The following MALRD1 variants were observed in gnomAD, a reference collection of about 807,000 sequenced individuals.
MALRD1 encodes the protein MAM and LDL receptor class A domain containing 1, also known as MAM and LDL-receptor class A domain-containing protein 1.
Under a neutral mutation model 242.1 loss-of-function variants are expected in MALRD1, and 247 were observed. The observed-to-expected ratio is 1.02, with a 90% confidence interval of 0.92 to 1.13. MALRD1 has a LOEUF of 1.13. Ranked by LOEUF, MALRD1 falls within the 50% of genes most tolerant of loss-of-function variation. The probability of loss-of-function intolerance (pLI) is 0.00; values close to 1 mark genes in which losing one functional copy is unlikely to be tolerated. For missense variants in MALRD1, 2,989 were observed against 2,533.1 expected (o/e 1.18, Z -3.86); for synonymous variants, 995 against 866.6 (o/e 1.15, Z -2.60).
Position 19,301,285 on chromosome 10 carries a change from T to G in MALRD1, c.3419+18104T>G, listed in dbSNP as rs149813481. 8.3e-4 allele frequency among the ~76,000 whole-genome samples: 127 copies of G among 152,096 alleles called. 1 individual carries two copies. The highest frequency in any genetic ancestry group is 2.9e-3 in the African/African-American group (121 of 41,514). ...TGGCAATGTAAATCTGTTCAGCTGT[T>G]GTGGAAAGCAGTGTGGTGATTTCTC... On this transcript the variant is annotated intron_variant, in intron 21 of 39. Coordinates refer to ENST00000454679, the MANE Select transcript of MALRD1 (RefSeq NM_001142308.3).
At chr10:19,333,015 C>G (rs943355762) in intron 24 of MALRD1, among the ~76,000 whole-genome samples, 11 of 152,178 alleles carry the variant, frequency 7.2e-5, no homozygotes, top group East Asian at 1.9e-4. Flanking sequence ...CTCCCCTAGC[C>G]CCCTACCCTC....
Position 19,652,999 on chromosome 10 carries a change from A to G in MALRD1, c.6137+37076A>G, listed in dbSNP as rs145461934. On this transcript the variant is annotated intron_variant, in intron 36 of 39. Transcript: ENST00000454679. ...GCATAATTTACATATCAGTATGTCT[A>G]AGATTGAATTCAACATCATCTTGCA... Among the ~76,000 whole-genome samples, 141 of 152,286 alleles carry G rather than the reference A, an allele frequency of 9.3e-4. 1 individual carries two copies. Among genetic ancestry groups the G allele is most frequent in the African/African-American group, 3.3e-3 (138 of 41,558 alleles).
Position 19,283,162 on chromosome 10 carries a change from C to A in MALRD1, c.3400C>A (p.Pro1134Thr). 6.5e-7 allele frequency: 1 copy of A among 1,547,326 alleles called. No individual in the cohort carries two copies. The highest frequency in any genetic ancestry group is 8.7e-7 in the Non-Finnish European group (1 of 1,145,102). ...SIHHGEENHR[P>T]SVDHTQNTTD... Reference sequence around the variant, plus strand: ...TCATCATGGGGAAGAAAACCACAGGCCATCAGTGGATCATACACAGTAAGT... The same window carrying A: ...TCATCATGGGGAAGAAAACCACAGGACATCAGTGGATCATACACAGTAAGT... Residue 1134 changes from proline to threonine, a missense_variant, in exon 21 of 40, where the codon CCA (proline) becomes ACA (threonine). Pro to Thr is a conservative substitution (Grantham distance 38). Coordinates refer to ENST00000454679, the MANE Select transcript of MALRD1 (RefSeq NM_001142308.3).
chr10:19,169,765 T>C (rs1036462250), intron 13 of MALRD1, among the ~76,000 whole-genome samples: 1 of 152,222 alleles, frequency 6.6e-6, no homozygotes, highest in Non-Finnish European at 1.5e-5. Flanking sequence ...GCTTTTTAAA[T>C]ATTCAAATAT....
chr10:19,620,777 A>G (rs1839366293), intron 36 of MALRD1, among the ~76,000 whole-genome samples: 1 of 152,128 alleles, frequency 6.6e-6, no homozygotes, highest in East Asian at 1.9e-4. Flanking sequence ...AGTGAATGTA[A>G]AGTCCTGAAA....
intron 32 of MALRD1, among the ~76,000 whole-genome samples, chr10:19,539,900 G>A (rs554150374): frequency 2.0e-4 from 10 of 51,106 alleles, no homozygotes; most frequent in South Asian, 1.8e-3. Context: ...GTGTGTGTGC[G>A]CGCGCGCGTG....
At chr10:19,503,736 C>A (rs1245016918) in intron 31 of MALRD1, among the ~76,000 whole-genome samples, 1 of 152,182 alleles carries the variant, frequency 6.6e-6, no homozygotes, top group Non-Finnish European at 1.5e-5. Flanking sequence ...ATTGTTACGT[C>A]TCCTCTAGCA....
chr10:19,339,535 A>G (rs897904484), intron 24 of MALRD1, among the ~76,000 whole-genome samples: 2 of 152,192 alleles, frequency 1.3e-5, no homozygotes, highest in Admixed American at 6.6e-5. Flanking sequence ...TCAGTCTCCT[A>G]TAACAGTTCC....
At chr10:19,508,222 G>T (rs924033558) in intron 31 of MALRD1, among the ~76,000 whole-genome samples, 3 of 152,096 alleles carry the variant, frequency 2.0e-5, no homozygotes, top group African/African-American at 4.8e-5. Context: ...TGGATGGATG[G>T]ATGTGTGATG....
chr10:19,378,845 C>T (rs912024135), intron 26 of MALRD1, among the ~76,000 whole-genome samples: 4 of 152,100 alleles, frequency 2.6e-5, no homozygotes, highest in African/African-American at 9.7e-5. Context: ...AGAGTGCTCC[C>T]TCTTCCTCTA....
chr10:19,634,627 A>G (rs2131661273), intron 36 of MALRD1, among the ~76,000 whole-genome samples: 1 of 152,288 alleles, frequency 6.6e-6, no homozygotes, highest in Non-Finnish European at 1.5e-5. Flanking sequence ...TGTTGGTAAG[A>G]AAGGAAAAAA....
chr10:19,708,425 G>C lies in MALRD1; in HGVS notation c.6314+15871G>C, dbSNP rs1833963801. Among the ~76,000 whole-genome samples the C allele has an allele frequency of 1.9e-5, 2 of 108,104 alleles. 1 individual carries two copies. The highest frequency in any genetic ancestry group is 4.1e-5 in the Non-Finnish European group (2 of 48,856). The allele number at this position is 108,104 out of a possible 152,430, so 70.9% of individuals were successfully genotyped here. On this transcript the variant is annotated intron_variant, in intron 38 of 39. Transcript: ENST00000454679. ...CAATCATGGTTCACTGCAGCCTCAA[G>C]CTCCCAGGCTCAAGTAATTCTCCCA...
intron 18 of MALRD1, among the ~76,000 whole-genome samples, chr10:19,240,558 T>G (rs1039764083): frequency 6.6e-5 from 10 of 152,058 alleles, no homozygotes; most frequent in Non-Finnish European, 1.2e-4. Flanking sequence ...TCCCTCTTAT[T>G]TATTTCTTTT....
chr10:19,531,380 C>T (rs1343030635), intron 32 of MALRD1, 29 bp downstream of exon 32: 2 of 1,501,726 alleles, frequency 1.3e-6, no homozygotes, highest in African/African-American at 1.4e-5. Context: ...GATTTATGAT[C>T]ACTGAAATAT....
At chr10:19,327,194 T>G (rs190410472) in intron 22 of MALRD1, among the ~76,000 whole-genome samples, 1 of 152,222 alleles carries the variant, frequency 6.6e-6, no homozygotes, top group Non-Finnish European at 1.5e-5. Flanking sequence ...AGTGTTTTAG[T>G]AAGCAATTCC....
chr10:19,716,310 G>T (rs1182989411), intron 38 of MALRD1, among the ~76,000 whole-genome samples: 6 of 152,120 alleles, frequency 3.9e-5, no homozygotes, highest in Admixed American at 1.3e-4. Flanking sequence ...CATGGGGGTG[G>T]AGTTTTCATT....
chr10:19,269,436 C>T (rs867853187), intron 19 of MALRD1, among the ~76,000 whole-genome samples: 1 of 152,228 alleles, frequency 6.6e-6, no homozygotes. Context: ...AGAAAATACT[C>T]TTCTAAGTAT....
Position 19,654,275 on chromosome 10 carries a change from T to C in MALRD1, c.6138-38007T>C, listed in dbSNP as rs573502212. On this transcript the variant is annotated intron_variant, in intron 36 of 39. Coordinates refer to ENST00000454679, the MANE Select transcript of MALRD1 (RefSeq NM_001142308.3). Reference sequence around the variant, plus strand: ...GATTAAGAAAAGGGAAAGAAAACAATTTTATCAAAAAAGTGGGGTTTTTTT... The same window carrying C: ...GATTAAGAAAAGGGAAAGAAAACAACTTTATCAAAAAAGTGGGGTTTTTTT... Among the ~76,000 whole-genome samples, 5 of 149,878 alleles carry C rather than the reference T, an allele frequency of 3.3e-5. No homozygotes were observed. In the East Asian group the frequency reaches 9.8e-4, roughly 29 times the overall value.
intron 28 of MALRD1, among the ~76,000 whole-genome samples, chr10:19,435,550 G>T (rs1300106154): frequency 2.6e-5 from 4 of 152,028 alleles, no homozygotes; most frequent in African/African-American, 9.7e-5. Flanking sequence ...CCATTAATTG[G>T]TATTTAATCT....
Sources: gnomAD v4.1 joint callset for allele counts (sites outside exome capture counted in the v4.1 genomes callset) on GRCh38, gnomAD v4.1.1 for gene constraint, MANE v1.5 for transcripts, NCBI Gene and HGNC (gene_info 2026-07-23, HGNC 2026-07-21) for gene names.